Variants in IFRD1 observed in about 807,000 individuals in gnomAD.
IFRD1 encodes interferon related developmental regulator 1.
A neutral mutation model predicts 52.9 loss-of-function variants in IFRD1; 35 were observed. That is an observed-to-expected ratio of 0.66 (90% confidence interval 0.51 to 0.88). IFRD1 has a LOEUF of 0.88. Among genes scored for constraint, IFRD1 ranks in the 40% least tolerant of loss-of-function variants. The probability of loss-of-function intolerance (pLI) is 0.00; values close to 1 mark genes in which losing one functional copy is unlikely to be tolerated. For synonymous variants in IFRD1, 184 were observed against 188.4 expected, an observed-to-expected ratio of 0.98 and a Z score of 0.19; for missense variants, 517 against 550.8, an observed-to-expected ratio of 0.94 and a Z score of 0.61.
chr7:112,452,108 T>C, intron 1 of IFRD1: 1 of 983,580 alleles, frequency 1.0e-6, no homozygotes, highest in Non-Finnish European at 1.2e-6. Context: ...AGATGTAAAA[T>C]ATGTAATTTA....
At chr7:112,434,298 A>G (rs2117233372) in intron 1 of IFRD1, among the ~76,000 whole-genome samples, 1 of 152,310 alleles carries the variant, frequency 6.6e-6, no homozygotes, top group South Asian at 2.1e-4. Flanking sequence ...GCATGAAAAG[A>G]GTTTGAAATG....
At chr7:112,443,698 T>A (rs1232494754) in intron 1 of IFRD1, among the ~76,000 whole-genome samples, 1 of 151,706 alleles carries the variant, frequency 6.6e-6, no homozygotes, top group Non-Finnish European at 1.5e-5. Context: ...ATGAACCCCG[T>A]CTTTACTAAA....
In IFRD1 at chr7:112,468,065, G is replaced by A. The variant is rs1252481308; in HGVS notation, c.991G>A (p.Asp331Asn). ...TDGNKHRAKV[D>N]KRKQRSVFRD... is the part of the protein sequence containing the mutation. ...TGGAAATAAACACCGGGCCAAAGTG[G>A]ACAAGAGAAAGCAGCGGTCAGTTTT... The change falls in exon 9 of 12, where the codon GAC becomes AAC. Residue 331 changes from aspartate (D) to asparagine (N), a missense_variant. By Grantham distance (23) the Asp-to-Asn change is conservative. Coordinates refer to ENST00000403825, the MANE Select transcript of IFRD1 (RefSeq NM_001550.4). 1 of 1,614,114 alleles carries A rather than the reference G, an allele frequency of 6.2e-7. No individual in the cohort carries two copies. Among genetic ancestry groups the A allele is most frequent in the Non-Finnish European group, 8.5e-7 (1 of 1,179,988 alleles).
Position 112,461,898 on chromosome 7 carries a change from T to G in IFRD1, c.600T>G (p.Ile200Met), listed in dbSNP as rs775044131. The G allele has an allele frequency of 1.2e-6, 2 of 1,606,288 alleles. No homozygotes were observed. The highest frequency in any genetic ancestry group is 1.7e-6 in the Non-Finnish European group (2 of 1,173,858). Residue 200 changes from isoleucine (I) to methionine (M), a missense_variant, in exon 6 of 12, where the codon ATT becomes ATG. By Grantham distance (10) the Ile-to-Met change is conservative (BLOSUM62 1). Transcript: ENST00000403825. ...CTTGCTTTGGTGTTTGCTGTTTTAT[T>G]GCCACAGATGACATTACTGTAAGTA... ...CATCFGVCCF[I>M]ATDDITELYS...
At chr7:112,440,784 C>A (rs1057209319) in intron 1 of IFRD1, among the ~76,000 whole-genome samples, 4 of 152,110 alleles carry the variant, frequency 2.6e-5, no homozygotes, top group Non-Finnish European at 5.9e-5. Flanking sequence ...GTAAACTATC[C>A]TAGTTTGCAA....
chr7:112,458,871 T>C lies in IFRD1; in HGVS notation c.420T>C (p.Asp140=), dbSNP rs1483537162. 3.7e-6 allele frequency: 6 copies of C among 1,613,932 alleles called. No individual in the cohort carries two copies. The African/African-American group carries it at 6.7e-5, about 18-fold the overall frequency. Residue 140 remains aspartate, a synonymous_variant, in exon 5 of 12, where the codon GAT becomes GAC. Coordinates refer to ENST00000403825, the MANE Select transcript of IFRD1 (RefSeq NM_001550.4). ...TGGCTGCTTTTATAGGTAAGAGTGATGAGCAACGTGCAGCTGCAGCGTTAG... is the reference window on the plus strand; with the variant it reads ...TGGCTGCTTTTATAGGTAAGAGTGACGAGCAACGTGCAGCTGCAGCGTTAG... ...IERCLKKGKS[D]EQRAAAALAS... is the part of the protein sequence containing the mutation.
chr7:112,426,007 T>C (rs982364175), intron 1 of IFRD1, among the ~76,000 whole-genome samples: 1 of 152,224 alleles, frequency 6.6e-6, no homozygotes, highest in African/African-American at 2.4e-5. Context: ...CAAAAGACTT[T>C]ACATCAGGCC....
chr7:112,442,596 T>C (rs7810707), intron 1 of IFRD1, among the ~76,000 whole-genome samples: 34,127 of 152,094 alleles, frequency 0.22, 3,917 homozygotes, highest in Middle Eastern at 0.33. Context: ...TCTTTGGTCA[T>C]GTCCCTGGGG....
At chr7:112,440,691 G>A (rs933423142) in intron 1 of IFRD1, among the ~76,000 whole-genome samples, 1 of 152,084 alleles carries the variant, frequency 6.6e-6, no homozygotes, top group African/African-American at 2.4e-5. Flanking sequence ...GGCTTTTAAA[G>A]TCCCACTTGC....
At chr7:112,425,504 CT>C (rs1794407888) in intron 1 of IFRD1, among the ~76,000 whole-genome samples, 1 of 152,170 alleles carries the variant, frequency 6.6e-6, no homozygotes, top group African/African-American at 2.4e-5. Flanking sequence ...ATTCTAGGTT[CT>C]TTGGCTTTTG....
intron 8 of IFRD1, among the ~76,000 whole-genome samples, chr7:112,463,253 A>C (rs1156413067): frequency 2.0e-5 from 3 of 152,210 alleles, no homozygotes; most frequent in Non-Finnish European, 4.4e-5. Context: ...TAAATAGTAG[A>C]TATTATTGCC....
At position 112,454,107 on chromosome 7, in the gene IFRD1, A is replaced by G. The variant is rs1009761387; in HGVS notation, c.95-1656A>G. ...TTTATTAATACAAAATCCCTAAGTG[A>G]CTGTATATTTATTCCTGAAGTTAAT... On this transcript the variant is annotated intron_variant, in intron 1 of 11. Transcript: ENST00000403825. Among the ~76,000 whole-genome samples, 14 of 152,246 alleles carry G rather than the reference A, an allele frequency of 9.2e-5. No individual in the cohort carries two copies. The East Asian group carries it at 2.3e-3, about 25-fold the overall frequency.
chr7:112,435,550 T>C (rs1794655519), intron 1 of IFRD1: 1 of 151,838 alleles, frequency 6.6e-6, no homozygotes, highest in Non-Finnish European at 1.5e-5. Context: ...ATTATTTCAC[T>C]GGAGAATTTG....
chr7:112,461,636 C>T (rs1461047271), intron 5 of IFRD1: 6 of 304,212 alleles, frequency 2.0e-5, no homozygotes, highest in Non-Finnish European at 3.5e-5. Context: ...AACAGAATCA[C>T]TTTGTTAAAG....
chr7:112,445,213 C>T (rs1473851653), intron 1 of IFRD1, among the ~76,000 whole-genome samples: 2 of 151,898 alleles, frequency 1.3e-5, no homozygotes, highest in Non-Finnish European at 1.5e-5. Context: ...ACTACAGGCG[C>T]CCGCCACCAC....
At position 112,472,806 on chromosome 7, in the gene IFRD1, C is replaced by T. The variant is rs770267292; in HGVS notation, c.1211C>T (p.Pro404Leu). 8.9e-5 allele frequency: 144 copies of T among 1,613,508 alleles called. 2 individuals are homozygous for T. The Middle Eastern group carries it at 4.6e-3, about 52-fold the overall frequency. The change falls in exon 11 of 12, where the codon CCA (proline) becomes CTA (leucine). Residue 404 changes from proline (P) to leucine (L), a missense_variant. Physicochemically the swap from Pro to Leu is moderately conservative, Grantham distance 98. Coordinates refer to ENST00000403825, the MANE Select transcript of IFRD1 (RefSeq NM_001550.4). ...FLRNVFELGP[P>L]VMLDAATLKT... ...CGAAATGTATTTGAACTTGGACCCC[C>T]AGTGATGCTTGATGCTGCAACGCTT... is the stretch of plus-strand genomic sequence containing the variant.
intron 1 of IFRD1, among the ~76,000 whole-genome samples, chr7:112,428,293 A>ATTAACCAGAAGTGTGAGATTATCAGATC (rs1794470553): frequency 6.6e-6 from 1 of 152,030 alleles, no homozygotes. Context: ...AATGAAGAGT[A>ATTAACCAGAAGTGTGAGATTATCAGATC]TTAACCAGAA....
intron 11 of IFRD1, among the ~76,000 whole-genome samples, chr7:112,474,528 G>GT (rs968029644): frequency 7.4e-4 from 113 of 151,870 alleles, no homozygotes; most frequent in African/African-American, 2.5e-3. Context: ...GGCATTTTAA[G>GT]TTTTTTTTAA....
chr7:112,429,978 C>T (rs1161476555), intron 1 of IFRD1, among the ~76,000 whole-genome samples: 1 of 152,188 alleles, frequency 6.6e-6, no homozygotes, highest in Non-Finnish European at 1.5e-5. Context: ...TTCTCATCTC[C>T]CTTCTTCTCA....
Sources: gnomAD v4.1 joint callset for allele counts (sites outside exome capture counted in the v4.1 genomes callset) on GRCh38, gnomAD v4.1.1 for gene constraint, MANE v1.5 for transcripts, NCBI Gene and HGNC (gene_info 2026-07-23, HGNC 2026-07-21) for gene names.